The following SZT2 variants were observed in gnomAD, a reference collection of about 807,000 sequenced individuals.
The protein encoded by SZT2 is KICSTOR complex protein SZT2.
A neutral mutation model predicts 404.2 loss-of-function variants in SZT2; 216 were observed. The ratio of observed to expected loss-of-function variants is 0.53; its 90% CI spans 0.48 to 0.60. The LOEUF is 0.60. Ranked by LOEUF, SZT2 falls within the 20% of genes least tolerant of loss-of-function variation. The probability of loss-of-function intolerance (pLI) is 0.00; values close to 1 mark genes in which losing one functional copy is unlikely to be tolerated. For missense variants in SZT2, 3,857 were observed against 4,459.2 expected, an observed-to-expected ratio of 0.86 and a Z score of 3.85; for synonymous variants, 1,693 against 1,749.9, an observed-to-expected ratio of 0.97 and a Z score of 0.81.
At chr1:43,407,697 T>C (rs960191065) in intron 4 of SZT2, among the ~76,000 whole-genome samples, 2 of 152,200 alleles carry the variant, frequency 1.3e-5, no homozygotes, top group Non-Finnish European at 1.5e-5. Flanking sequence ...ATAATACATG[T>C]CCACAGAGAT....
At position 43,426,560 on chromosome 1, in the gene SZT2, GAC is replaced by G; in HGVS notation, c.3214+25_3214+26del. The G allele has an allele frequency of 6.5e-7, 1 of 1,542,382 alleles. No individual in the cohort carries two copies. Among genetic ancestry groups the G allele is most frequent in the East Asian group, 2.4e-5 (1 of 41,662 alleles). ...CCAGGTGAGTTCCCCACATCCTCCT[GAC>G]ACCAGACCCTGGCCCAGCCCTTTTC... On this transcript the variant is annotated intron_variant, in intron 22 of 71. Transcript: ENST00000634258. The surrounding 1 kb of genome is among the most constrained non-coding windows in gnomAD (Gnocchi z 4.9).
chr1:43,449,526 G>T, intron 70 of SZT2: 1 of 165,106 alleles, frequency 6.1e-6, no homozygotes, highest in Non-Finnish European at 1.3e-5. Context: ...GGCTGGAGCA[G>T]GAGTGGGTTT....
In SZT2 at chr1:43,403,196, T is replaced by C. The variant is rs762621972; in HGVS notation, c.47T>C (p.Val16Ala). The change falls in exon 2 of 72, where the codon GTG becomes GCG. Residue 16 changes from valine to alanine, a missense_variant. Physicochemically the swap from Val to Ala is moderately conservative, Grantham distance 64 (BLOSUM62 0). Transcript: ENST00000634258. ...TCCCAGGTGGAAGAAGCTGGGCAGG[T>C]GTTCCTGTTAATGAAAAAGGATTAT... is the stretch of plus-strand genomic sequence containing the variant. ...PEPEVEEAGQ[V>A]FLLMKKDYRI... 11 of 1,614,060 alleles carry C rather than the reference T, an allele frequency of 6.8e-6. No homozygotes were observed. The highest frequency in any genetic ancestry group is 9.3e-6 in the Non-Finnish European group (11 of 1,180,046).
Position 43,453,476 on chromosome 1 carries a change from A to G in SZT2, c.*2996A>G, listed in dbSNP as rs1350581881. The G allele has an allele frequency of 2.6e-6, 4 of 1,559,156 alleles. No individual in the cohort carries two copies. Among genetic ancestry groups the G allele is most frequent in the East Asian group, 4.9e-5 (2 of 41,204 alleles). On this transcript the variant is annotated 3_prime_UTR_variant, in exon 72 of 72. Coordinates refer to ENST00000634258, the MANE Select transcript of SZT2 (RefSeq NM_001365999.1). ...TCTCCCGGGGACGGCCCCCAGCCCC[A>G]TTTCCCCCTTCTCTTGGTCTCCTGC...
chr1:43,423,152 A>G lies in SZT2; in HGVS notation c.2091A>G (p.Val697=). 2 of 1,597,158 alleles carry G rather than the reference A, an allele frequency of 1.3e-6. No individual in the cohort carries two copies. The highest frequency in any genetic ancestry group is 8.5e-7 in the Non-Finnish European group (1 of 1,179,312). Residue 697 remains valine (V), a synonymous_variant, in exon 15 of 72, where the codon GTA becomes GTG. Coordinates refer to ENST00000634258, the MANE Select transcript of SZT2 (RefSeq NM_001365999.1). ...TGCGGCTGCGTTTCCCCCACCGGGT[A>G]CAAAGCAAGGAGCCAACGCCCAAGG... ...EILRLRFPHR[V]QSKEPTPKVK...
At position 43,448,299 on chromosome 1, in the gene SZT2, C is replaced by T; in HGVS notation, c.9784C>T (p.Leu3262=). ...AGAGGTGGGCATGGCACGAGCACGGCTGGCTCAGCTGGTGCGGCTGGCTGG... is the reference window on the plus strand; with the variant it reads ...AGAGGTGGGCATGGCACGAGCACGGTTGGCTCAGCTGGTGCGGCTGGCTGG... ...AAEVGMARAR[L]AQLVRLAGGH... Residue 3262 remains leucine (L), a synonymous_variant, in exon 69 of 72, where the codon CTG becomes TTG. Coordinates refer to ENST00000634258, the MANE Select transcript of SZT2 (RefSeq NM_001365999.1). The surrounding 1 kb of genome is among the most constrained non-coding windows in gnomAD (Gnocchi z 4.2). 1.3e-6 allele frequency: 2 copies of T among 1,555,726 alleles called. No individual in the cohort carries two copies. The highest frequency in any genetic ancestry group is 4.9e-5 in the East Asian group (2 of 41,066).
rs544770573 is a variant in SZT2, at chr1:43,439,206, A to G, written c.6792+113A>G. 1.0e-5 allele frequency: 16 copies of G among 1,548,810 alleles called. No individual in the cohort carries two copies. In the African/African-American group the frequency reaches 1.9e-4, roughly 18 times the overall value. ...TGTACCTTTGCCCATGGACCTGGGT[A>G]CACCCATGCCCCCCCGGGGACCATT... On this transcript the variant is annotated intron_variant, in intron 48 of 71. Transcript: ENST00000634258. The surrounding 1 kb of genome is among the most constrained non-coding windows in gnomAD (Gnocchi z 4.2).
chr1:43,450,998 G>A lies in SZT2; in HGVS notation c.*518G>A, dbSNP rs781528730. 3.4e-4 allele frequency: 264 copies of A among 766,582 alleles called. 1 individual carries two copies. In the African/African-American group the frequency reaches 3.9e-3, roughly 11 times the overall value. The allele number at this position is 766,582 out of a possible 1,614,324, so 47.5% of individuals were successfully genotyped here. On this transcript the variant is annotated 3_prime_UTR_variant, in exon 72 of 72. Coordinates refer to ENST00000634258, the MANE Select transcript of SZT2 (RefSeq NM_001365999.1). This position sits in a 1 kb window ranked among gnomAD's most constrained non-coding sequence, Gnocchi z 4.3. Reference sequence around the variant, plus strand: ...GCCACCGTCAAGTCCCTTTGCTCTCGGACCCTGGGTTTCTCATCCTTTAAT... The same window carrying A: ...GCCACCGTCAAGTCCCTTTGCTCTCAGACCCTGGGTTTCTCATCCTTTAAT...
chr1:43,438,563 G>C, intron 46 of SZT2, 136 bp from the exon 47 acceptor site: 1 of 790,928 alleles, frequency 1.3e-6, no homozygotes, highest in South Asian at 1.6e-5. Context: ...CCTAGTGCTG[G>C]CTACCTCCAG....
Position 43,447,690 on chromosome 1 carries a change from A to C in SZT2, c.9432A>C (p.Ala3144=). ...ACAACGAGTATGCCCTGGTGTCGGC[A>C]TGGCACAGGTAAGGCTGAGAGGGGC... ...PEHNEYALVS[A]WHSSGSYLDS... is the part of the protein sequence containing the mutation. The change falls in exon 67 of 72, where the codon GCA becomes GCC. Residue 3144 remains alanine, a synonymous_variant. Transcript: ENST00000634258. 6.2e-7 allele frequency: 1 copy of C among 1,613,974 alleles called. No individual in the cohort carries two copies. The highest frequency in any genetic ancestry group is 8.5e-7 in the Non-Finnish European group (1 of 1,179,946).
chr1:43,426,536 C>G lies in SZT2; in HGVS notation c.3212C>G (p.Pro1071Arg). The G allele has an allele frequency of 8.3e-6, 13 of 1,566,428 alleles. No homozygotes were observed. Among genetic ancestry groups the G allele is most frequent in the Non-Finnish European group, 1.1e-5 (13 of 1,161,974 alleles). ...GTGCTGCGGCGGACCTGCCACGTTCCAGGTGAGTTCCCCACATCCTCCTGA... is the reference window on the plus strand; with the variant it reads ...GTGCTGCGGCGGACCTGCCACGTTCGAGGTGAGTTCCCCACATCCTCCTGA... Reference protein sequence around the residue: ...SEVLRRTCHVPGAEGPLLGVH... With the variant: ...SEVLRRTCHVRGAEGPLLGVH... Residue 1071 changes from proline to arginine, a missense_variant and splice_region_variant, in exon 22 of 72, where the codon CCA becomes CGA. Physicochemically the swap from Pro to Arg is moderately radical, Grantham distance 103. Coordinates refer to ENST00000634258, the MANE Select transcript of SZT2 (RefSeq NM_001365999.1). The surrounding 1 kb of genome is among the most constrained non-coding windows in gnomAD (Gnocchi z 4.9).
In SZT2 at chr1:43,452,732, G is replaced by C. The variant is rs535968780; in HGVS notation, c.*2252G>C. On this transcript the variant is annotated 3_prime_UTR_variant, in exon 72 of 72. Coordinates refer to ENST00000634258, the MANE Select transcript of SZT2 (RefSeq NM_001365999.1). ...TGTTTTCTGCCCCCACCATTGACCAGTAGTGATCCCCTCTTGCCAGTTCCT... is the reference window on the plus strand; with the variant it reads ...TGTTTTCTGCCCCCACCATTGACCACTAGTGATCCCCTCTTGCCAGTTCCT... The C allele has an allele frequency of 2.0e-5, 13 of 665,694 alleles. No homozygotes were observed. In the South Asian group the frequency reaches 2.0e-4, roughly 10 times the overall value. The allele number at this position is 665,694 out of a possible 1,614,324, so 41.2% of individuals were successfully genotyped here. A position where few individuals can be genotyped will look rare whatever the true frequency, so the allele number is the denominator to read the frequency against.
At chr1:43,409,367 G>A (rs1487688853) in intron 4 of SZT2, 1 of 269,020 alleles carries the variant, frequency 3.7e-6, no homozygotes, top group East Asian at 1.1e-4. Flanking sequence ...CATTCATTAG[G>A]GGGATAAGGA....
chr1:43,449,968 TCCTATGTGA>T, intron 70 of SZT2, 126 bp from the exon 71 acceptor site: 1 of 1,016,242 alleles, frequency 9.8e-7, no homozygotes, highest in Non-Finnish European at 1.5e-6. Context: ...GGAGACACGG[TCCTATGTGA>T]CCTCAGGGTG....
rs1570688587 is a variant in SZT2 at position 43,435,334 on chromosome 1, G to A, written c.6034+5G>A. The A allele has an allele frequency of 6.2e-7, 1 of 1,613,820 alleles. No individual in the cohort carries two copies. The highest frequency in any genetic ancestry group is 8.5e-7 in the Non-Finnish European group (1 of 1,179,880). ...GGGCACCACTGCCCAGTGATGGTGA[G>A]ATCCCACCCAGGAGCCTCCCTCACA... On this transcript the variant is annotated splice_donor_5th_base_variant and intron_variant, in intron 42 of 71. Coordinates refer to ENST00000634258, the MANE Select transcript of SZT2 (RefSeq NM_001365999.1).
In SZT2 at chr1:43,425,424, A is replaced by C. The variant is rs377222976; in HGVS notation, c.2646-50A>C. On this transcript the variant is annotated intron_variant, in intron 18 of 71. Transcript: ENST00000634258. The surrounding 1 kb of genome is among the most constrained non-coding windows in gnomAD (Gnocchi z 4.3). ...CTGCCTCCTTCCCTCCATGAGGTTC[A>C]CTCCCTGCCATGAGGCTGTGCATTG... The C allele has an allele frequency of 6.2e-7, 1 of 1,607,088 alleles. No homozygotes were observed. The highest frequency in any genetic ancestry group is 8.5e-7 in the Non-Finnish European group (1 of 1,175,806).
chr1:43,409,209 G>A, intron 4 of SZT2, among the ~76,000 whole-genome samples: 1 of 152,226 alleles, frequency 6.6e-6, no homozygotes, highest in East Asian at 1.9e-4. Context: ...TAAACCTTCA[G>A]TAGACTTTGG....
chr1:43,453,860 G>C lies in SZT2; in HGVS notation c.*3380G>C. 1 of 1,227,908 alleles carries C rather than the reference G, an allele frequency of 8.1e-7. No individual in the cohort carries two copies. Among genetic ancestry groups the C allele is most frequent in the Non-Finnish European group, 1.0e-6 (1 of 986,234 alleles). The allele number at this position is 1,227,908 out of a possible 1,614,324, so 76.1% of individuals were successfully genotyped here. On this transcript the variant is annotated 3_prime_UTR_variant, in exon 72 of 72. Transcript: ENST00000634258. ...GGCGGCGGGCGGCGGGCGGCGGGCG[G>C]CGGGCGGGGGCGGGGCTCTCCTTGC...
rs779077204 is a variant in SZT2 at position 43,440,000 on chromosome 1, G to A, written c.7162G>A (p.Glu2388Lys). 2 of 1,614,114 alleles carry A rather than the reference G, an allele frequency of 1.2e-6. No homozygotes were observed. The highest frequency in any genetic ancestry group is 1.7e-6 in the Non-Finnish European group (2 of 1,180,010). ...CCAGGCCCTGGCCGATGCCATCATC[G>A]AGCTTCAGCTGCTGCCAGCTTCACT... is the stretch of plus-strand genomic sequence containing the variant. The part of the protein sequence containing the change: ...ARQALADAII[E>K]LQLLPASLCT... The change falls in exon 51 of 72, where the codon GAG (glutamate) becomes AAG (lysine). Residue 2388 changes from glutamate (E) to lysine (K), a missense_variant. Glu to Lys is a moderately conservative substitution (Grantham distance 56). Around this residue, in one of 7 missense-constraint regions of SZT2, gnomAD observed 573 missense variants for 592.4 expected, o/e 0.97. Transcript: ENST00000634258. This position sits in a 1 kb window ranked among gnomAD's most constrained non-coding sequence, Gnocchi z 4.2.
Sources: allele counts gnomAD v4.1 joint callset (sites outside exome capture counted in the v4.1 genomes callset), GRCh38; gene constraint gnomAD v4.1.1; regional missense constraint gnomAD v4.1.1; non-coding constraint Gnocchi (gnomAD v3.1); transcripts MANE v1.5; gene names NCBI Gene and HGNC (gene_info 2026-07-23, HGNC 2026-07-21).